FAT3: variants seen among roughly 807,000 people sequenced by gnomAD.
FAT3 encodes FAT atypical cadherin 3.
Under a neutral mutation model 310.2 loss-of-function variants are expected in FAT3, and 95 were observed. That is an observed-to-expected ratio of 0.31 (90% CI 0.26 to 0.36). The LOEUF (loss-of-function observed/expected upper bound fraction) is 0.36. Among genes scored for constraint, FAT3 ranks in the 10% least tolerant of loss-of-function variants. The probability of loss-of-function intolerance (pLI) is 1.00; values close to 1 mark genes in which losing one functional copy is unlikely to be tolerated. For synonymous variants in FAT3, 2,314 were observed against 2,192.9 expected (o/e 1.06, Z -1.54); for missense variants, 5,408 against 5,715.6 (o/e 0.95, Z 1.74).
At chr11:92,423,271 G>C (rs1307427798) in intron 2 of FAT3, among the ~76,000 whole-genome samples, 1 of 152,154 alleles carries the variant, frequency 6.6e-6, no homozygotes, top group African/African-American at 2.4e-5. Context: ...ATGCCATGAA[G>C]TTAGTCGGTT....
intron 3 of FAT3, among the ~76,000 whole-genome samples, chr11:92,606,371 A>G (rs1255392233): frequency 1.3e-5 from 2 of 152,166 alleles, no homozygotes. Context: ...AGAGTGCAGC[A>G]TGCATGACCT....
At chr11:92,413,245 A>G (rs1950335812) in intron 2 of FAT3, among the ~76,000 whole-genome samples, 1 of 152,170 alleles carries the variant, frequency 6.6e-6, no homozygotes, top group African/African-American at 2.4e-5. Flanking sequence ...TGTTTGTTGA[A>G]GCATCAGGCC....
At chr11:92,464,601 A>G (rs556007457) in intron 2 of FAT3, among the ~76,000 whole-genome samples, 3 of 152,312 alleles carry the variant, frequency 2.0e-5, no homozygotes, top group Non-Finnish European at 2.9e-5. Context: ...TGGGAACAGC[A>G]TAGGAAATAA....
At chr11:92,319,753 A>C (rs1472268027) in intron 1 of FAT3, among the ~76,000 whole-genome samples, 1 of 152,228 alleles carries the variant, frequency 6.6e-6, no homozygotes, top group African/African-American at 2.4e-5. Flanking sequence ...CTATGAATAT[A>C]AAGTACCCAG....
chr11:92,353,398 T>C lies in FAT3; in HGVS notation c.1286T>C (p.Ile429Thr), dbSNP rs1948625727. The change falls in exon 2 of 28, where the codon ATT becomes ACT. Residue 429 changes from isoleucine to threonine, a missense_variant. Physicochemically the swap from Ile to Thr is moderately conservative, Grantham distance 89. Around this residue, in one of 5 missense-constraint regions of FAT3, gnomAD observed 4,588 missense variants for 4,809.8 expected, o/e 0.95. Coordinates refer to ENST00000525166, the MANE Select transcript of FAT3 (RefSeq NM_001367949.2). ...AAAATTAATCCTCGGTCGGGTCTGA[T>C]TGTTACAGCACGGCCACTGAATACT... is the stretch of plus-strand genomic sequence containing the variant. ...YFKINPRSGL[I>T]VTARPLNTVK... The C allele has an allele frequency of 6.2e-7, 1 of 1,613,396 alleles. No homozygotes were observed. The highest frequency in any genetic ancestry group is 1.3e-5 in the African/African-American group (1 of 74,908).
chr11:92,525,893 T>C (rs570511776), intron 3 of FAT3, among the ~76,000 whole-genome samples: 1 of 152,292 alleles, frequency 6.6e-6, no homozygotes, highest in East Asian at 1.9e-4. Flanking sequence ...AACATGTAGC[T>C]GACCTCAAGT....
intron 3 of FAT3, among the ~76,000 whole-genome samples, chr11:92,685,632 AG>A (rs1223532522): frequency 6.6e-6 from 1 of 150,648 alleles, no homozygotes; most frequent in Non-Finnish European, 1.5e-5. Context: ...TAGTTTATTT[AG>A]TCAATAGACC....
At chr11:92,563,005 A>G (rs1041952039) in intron 3 of FAT3, among the ~76,000 whole-genome samples, 15 of 152,202 alleles carry the variant, frequency 9.9e-5, no homozygotes, top group African/African-American at 1.9e-4. Context: ...CATAAAATTA[A>G]CCATCATATA....
chr11:92,804,203 C>T (rs955251950), intron 10 of FAT3, among the ~76,000 whole-genome samples: 2 of 152,090 alleles, frequency 1.3e-5, no homozygotes, highest in African/African-American at 2.4e-5. Context: ...TGTAGCCCTG[C>T]TGCCTAGAAC....
At chr11:92,591,452 A>G (rs1479501103) in intron 3 of FAT3, among the ~76,000 whole-genome samples, 1 of 152,196 alleles carries the variant, frequency 6.6e-6, no homozygotes, top group African/African-American at 2.4e-5. Flanking sequence ...GTATTTATAT[A>G]TTTCTGTTAA....
intron 1 of FAT3, among the ~76,000 whole-genome samples, chr11:92,291,044 T>A (rs1946675633): frequency 6.7e-6 from 1 of 150,024 alleles, no homozygotes; most frequent in African/African-American, 2.4e-5. Flanking sequence ...TATCTAACAC[T>A]CATTAAGCTC....
At position 92,809,952 on chromosome 11, in the gene FAT3, A is replaced by T; in HGVS notation, c.9357A>T (p.Leu3119=). 6.2e-7 allele frequency: 1 copy of T among 1,613,906 alleles called. No homozygotes were observed. The highest frequency in any genetic ancestry group is 8.5e-7 in the Non-Finnish European group (1 of 1,179,814). Residue 3119 remains leucine, a synonymous_variant, in exon 13 of 28, where the codon CTA becomes CTT. Coordinates refer to ENST00000525166, the MANE Select transcript of FAT3 (RefSeq NM_001367949.2). ...GGRFCQSNIH[L]ILEDVNDNPP... is the part of the protein sequence containing the mutation. ...GGTTCTGCCAGTCCAACATCCACCT[A>T]ATCCTGGAGGATGTGAATGATAACC...
chr11:92,561,646 G>C (rs1955230614), intron 3 of FAT3, among the ~76,000 whole-genome samples: 1 of 151,418 alleles, frequency 6.6e-6, no homozygotes, highest in Admixed American at 6.6e-5. Flanking sequence ...TTATTTTTGA[G>C]ACGGAGTCTC....
intron 4 of FAT3, among the ~76,000 whole-genome samples, chr11:92,723,216 C>A (rs939148613): frequency 1.3e-5 from 2 of 152,160 alleles, no homozygotes; most frequent in African/African-American, 2.4e-5. Flanking sequence ...TTAGTAATTT[C>A]TTCCACCAGA....
At chr11:92,468,863 G>A (rs2135141324) in intron 2 of FAT3, among the ~76,000 whole-genome samples, 1 of 152,200 alleles carries the variant, frequency 6.6e-6, no homozygotes, top group Non-Finnish European at 1.5e-5. Context: ...ATTTGGGTGG[G>A]GACACAGCCA....
intron 3 of FAT3, among the ~76,000 whole-genome samples, chr11:92,640,032 A>G (rs758775868): frequency 6.6e-6 from 1 of 151,982 alleles, no homozygotes; most frequent in Non-Finnish European, 1.5e-5. Flanking sequence ...GCCAGACCCT[A>G]CTTATCATTT....
intron 3 of FAT3, among the ~76,000 whole-genome samples, chr11:92,674,663 C>T (rs1012147330): frequency 9.2e-5 from 14 of 152,174 alleles, no homozygotes; most frequent in Admixed American, 8.5e-4. Flanking sequence ...ACTAGGACTA[C>T]AGGCATGCTC....
intron 2 of FAT3, among the ~76,000 whole-genome samples, chr11:92,389,052 C>T (rs1949690376): frequency 6.6e-6 from 1 of 152,150 alleles, no homozygotes; most frequent in Admixed American, 6.5e-5. Flanking sequence ...CCATCCCCTG[C>T]CATACCCAGT....
intron 3 of FAT3, among the ~76,000 whole-genome samples, chr11:92,563,416 C>A (rs112310807): frequency 2.9e-4 from 44 of 152,224 alleles, no homozygotes; most frequent in African/African-American, 9.6e-4. Flanking sequence ...TTGTGATTGA[C>A]TGAAACATAG....
Sources: gnomAD v4.1 joint callset for allele counts (sites outside exome capture counted in the v4.1 genomes callset) on GRCh38, gnomAD v4.1.1 for gene constraint, gnomAD v4.1.1 regional missense constraint, MANE v1.5 for transcripts, NCBI Gene and HGNC (gene_info 2026-07-23, HGNC 2026-07-21) for gene names.